Variants in PIP5K1B observed in about 807,000 individuals in gnomAD.
The protein encoded by PIP5K1B is phosphatidylinositol-4-phosphate 5-kinase type 1 beta.
PIP5K1B carries 42 observed loss-of-function variants against 67.0 expected under a neutral mutation model. The ratio of observed to expected loss-of-function variants is 0.63; its 90% CI spans 0.49 to 0.81. PIP5K1B has a LOEUF of 0.81. Ranked by LOEUF, PIP5K1B falls within the 30% of genes least tolerant of loss-of-function variation. The pLI is 0.00. For missense variants in PIP5K1B, 459 were observed against 646.3 expected (o/e 0.71, Z 3.14); for synonymous variants, 214 against 231.4 (o/e 0.92, Z 0.68).
At chr9:68,956,080 G>C (rs1481523839) in intron 14 of PIP5K1B, among the ~76,000 whole-genome samples, 1 of 152,148 alleles carries the variant, frequency 6.6e-6, no homozygotes, top group African/African-American at 2.4e-5. Context: ...ATAATAACTT[G>C]ACCCATAAGA....
chr9:68,816,126 T>G (rs1833431518), intron 2 of PIP5K1B, among the ~76,000 whole-genome samples: 1 of 152,128 alleles, frequency 6.6e-6, no homozygotes, highest in East Asian at 1.9e-4. Flanking sequence ...TTTTTTTGTT[T>G]GTTTGTTTTT....
At chr9:68,760,208 GTCAT>G (rs1438482153) in intron 2 of PIP5K1B, among the ~76,000 whole-genome samples, 1 of 152,084 alleles carries the variant, frequency 6.6e-6, no homozygotes, top group Non-Finnish European at 1.5e-5. Flanking sequence ...TTTGGAATGG[GTCAT>G]CCATCCATTG....
intron 2 of PIP5K1B, among the ~76,000 whole-genome samples, chr9:68,772,355 CAT>C (rs1156436456): frequency 6.6e-6 from 1 of 152,182 alleles, no homozygotes; most frequent in Non-Finnish European, 1.5e-5. Flanking sequence ...CACAGCCAAA[CAT>C]GTGTCCTCCT....
intron 14 of PIP5K1B, chr9:68,963,058 A>G (rs1828831556): frequency 2.6e-6 from 1 of 381,184 alleles, no homozygotes. Flanking sequence ...AGAAACTTAT[A>G]TTTGATTTAG....
At chr9:68,930,902 G>A (rs1056869644) in intron 12 of PIP5K1B, among the ~76,000 whole-genome samples, 9 of 151,944 alleles carry the variant, frequency 5.9e-5, no homozygotes, top group Admixed American at 2.6e-4. Context: ...TGAATGAATG[G>A]AATTTTTATC....
intron 4 of PIP5K1B, among the ~76,000 whole-genome samples, chr9:68,860,589 CTTCCGACTTTGA>C (rs1823016245): frequency 6.6e-6 from 1 of 152,214 alleles, no homozygotes; most frequent in Non-Finnish European, 1.5e-5. Flanking sequence ...TAAAAGAGAA[CTTCCGACTTTGA>C]TTCTAGGCTC....
chr9:68,943,558 C>G (rs572809694), intron 14 of PIP5K1B, among the ~76,000 whole-genome samples: 1 of 151,960 alleles, frequency 6.6e-6, no homozygotes, highest in African/African-American at 2.4e-5. Context: ...TAGAGCCCAC[C>G]TAGTCCTATG....
chr9:68,731,330 A>G (rs1036327441), intron 1 of PIP5K1B, among the ~76,000 whole-genome samples: 1 of 152,224 alleles, frequency 6.6e-6, no homozygotes, highest in Non-Finnish European at 1.5e-5. Flanking sequence ...TGTACACTGG[A>G]CAGGATCAGT....
intron 4 of PIP5K1B, chr9:68,843,424 A>G (rs1480629907): frequency 6.6e-6 from 1 of 152,226 alleles, no homozygotes; most frequent in Non-Finnish European, 1.5e-5. Flanking sequence ...AAAAATTTCC[A>G]TATTTGGGGG....
chr9:68,839,620 A>G (rs1821808754), intron 4 of PIP5K1B, among the ~76,000 whole-genome samples: 1 of 152,204 alleles, frequency 6.6e-6, no homozygotes, highest in Non-Finnish European at 1.5e-5. Context: ...AAGTGAATAC[A>G]ACAGAAAATT....
chr9:68,756,491 AG>A (rs1829931258), intron 2 of PIP5K1B, among the ~76,000 whole-genome samples: 1 of 152,244 alleles, frequency 6.6e-6, no homozygotes, highest in Admixed American at 6.5e-5. Flanking sequence ...ATAGTATTGC[AG>A]AGAGTAATTT....
At chr9:68,750,348 T>C (rs1416901539) in intron 2 of PIP5K1B, among the ~76,000 whole-genome samples, 1 of 152,228 alleles carries the variant, frequency 6.6e-6, no homozygotes, top group East Asian at 1.9e-4. Flanking sequence ...ACTGAACTCT[T>C]TATATAATTC....
In PIP5K1B at chr9:68,963,278, T is replaced by G. The variant is rs187657180; in HGVS notation, c.1502+22488T>G. ...AGCACTTTGCGAGGCCGAGGCAGAC[T>G]GATCTCTTGAGTCCGGAAGTTCAAG... On this transcript the variant is annotated intron_variant, in intron 14 of 15. Coordinates refer to ENST00000265382, the MANE Select transcript of PIP5K1B (RefSeq NM_003558.4). 7.9e-3 allele frequency: 3,591 copies of G among 452,772 alleles called. 96 individuals carry two copies. Among genetic ancestry groups the G allele is most frequent in the African/African-American group, 0.065 (3,238 of 49,748 alleles). The allele number at this position is 452,772 out of a possible 1,614,324, so 28.0% of individuals were successfully genotyped here.
intron 5 of PIP5K1B, among the ~76,000 whole-genome samples, chr9:68,870,393 C>A (rs1721504228): frequency 6.6e-6 from 1 of 152,220 alleles, no homozygotes; most frequent in Admixed American, 6.5e-5. Context: ...TGCTCAGCAA[C>A]AGGAGGTTGG....
At chr9:68,821,341 T>G (rs1261434972) in intron 3 of PIP5K1B, among the ~76,000 whole-genome samples, 1 of 152,060 alleles carries the variant, frequency 6.6e-6, no homozygotes, top group African/African-American at 2.4e-5. Context: ...AACATAAAAA[T>G]AAGCAAACCA....
chr9:68,862,955 G>A (rs538460782), intron 4 of PIP5K1B, among the ~76,000 whole-genome samples: 4 of 152,152 alleles, frequency 2.6e-5, no homozygotes, highest in African/African-American at 7.2e-5. Flanking sequence ...TATAAAGCAT[G>A]TGGGGAGGTG....
At chr9:68,942,618 C>T (rs563040578) in intron 14 of PIP5K1B, among the ~76,000 whole-genome samples, 8 of 152,216 alleles carry the variant, frequency 5.3e-5, no homozygotes, top group South Asian at 2.1e-4. Flanking sequence ...GCATGTTCCA[C>T]CTCCGCATGC....
chr9:68,750,588 C>T (rs910276176), intron 2 of PIP5K1B, among the ~76,000 whole-genome samples: 2 of 152,216 alleles, frequency 1.3e-5, no homozygotes, highest in Admixed American at 6.5e-5. Context: ...GGAAGAGGAA[C>T]GTGCTCCAAC....
intron 2 of PIP5K1B, among the ~76,000 whole-genome samples, chr9:68,755,211 A>C (rs1341274577): frequency 6.6e-6 from 1 of 152,256 alleles, no homozygotes; most frequent in Non-Finnish European, 1.5e-5. Flanking sequence ...ACTTCAAAAA[A>C]GAAATGTTTT....
Sources: gnomAD v4.1 joint callset for allele counts (sites outside exome capture counted in the v4.1 genomes callset) on GRCh38, gnomAD v4.1.1 for gene constraint, MANE v1.5 for transcripts, NCBI Gene and HGNC (gene_info 2026-07-23, HGNC 2026-07-21) for gene names.